The following GALNS variants were observed in gnomAD, a reference collection of about 807,000 sequenced individuals.
GALNS encodes the protein N-acetylgalactosamine-6-sulfatase.
A neutral mutation model predicts 65.9 loss-of-function variants in GALNS; 65 were observed. The observed-to-expected ratio is 0.99, with a 90% confidence interval of 0.81 to 1.21. The LOEUF is 1.21. Ranked by LOEUF, GALNS falls within the 50% of genes most tolerant of loss-of-function variation. The pLI is 0.00. For synonymous variants in GALNS, 346 were observed against 288.9 expected (o/e 1.20, Z -2.00); for missense variants, 776 against 700.7 (o/e 1.11, Z -1.21).
intron 12 of GALNS, among the ~76,000 whole-genome samples, chr16:88,821,055 C>T (rs992400287): frequency 6.6e-5 from 10 of 152,216 alleles, no homozygotes; most frequent in African/African-American, 1.4e-4. Flanking sequence ...ACGGGTCTCA[C>T]CCCCATGGGT....
chr16:88,838,082 G>A (rs542564870), intron 4 of GALNS, among the ~76,000 whole-genome samples: 1 of 152,320 alleles, frequency 6.6e-6, no homozygotes, highest in Non-Finnish European at 1.5e-5. Flanking sequence ...CGCCTGACAT[G>A]CCCCTCGTGG....
chr16:88,819,148 C>T (rs8046428), intron 12 of GALNS, among the ~76,000 whole-genome samples: 53,095 of 152,058 alleles, frequency 0.35, 9,616 homozygotes, highest in East Asian at 0.58. Flanking sequence ...AGGCTTCACA[C>T]GGAAGCTGCA....
At position 88,814,206 on chromosome 16, in the gene GALNS, G is replaced by A. The variant is rs939713346; in HGVS notation, c.*233C>T. On this transcript the variant is annotated 3_prime_UTR_variant, in exon 14 of 14. Transcript: ENST00000268695. ...GCAGGGTCCTGAGGTCTGAGGCGCC[G>A]TGGGCGAGGAGGAGGGTCCTGAAAT... 8 of 606,854 alleles carry A rather than the reference G, an allele frequency of 1.3e-5. No individual in the cohort carries two copies. Among genetic ancestry groups the A allele is most frequent in the Admixed American group, 2.8e-5 (1 of 35,974 alleles). The allele number at this position is 606,854 out of a possible 1,614,324, so 37.6% of individuals were successfully genotyped here.
In GALNS at chr16:88,848,754, CG is replaced by C. The variant is rs111604165; in HGVS notation, c.121-5926del. On this transcript the variant is annotated intron_variant, in intron 1 of 13. Coordinates refer to ENST00000268695, the MANE Select transcript of GALNS (RefSeq NM_000512.5). ...GTCTGAACAGAGGGGAAGCCCTCAC[CG>C]GGGGCGGGGGTGGCAGCGTGCTGAC... is the stretch of plus-strand genomic sequence containing the variant. 3.8e-3 allele frequency among the ~76,000 whole-genome samples: 572 copies of C among 152,120 alleles called. 3 individuals carry two copies. Among genetic ancestry groups the C allele is most frequent in the African/African-American group, 0.013 (536 of 41,474 alleles).
rs1432740503 is a variant in GALNS, at chr16:88,847,522, C to T, written c.121-4693G>A. Among the ~76,000 whole-genome samples, 8 of 152,192 alleles carry T rather than the reference C, an allele frequency of 5.3e-5. No individual in the cohort carries two copies. The East Asian group carries it at 1.2e-3, about 22-fold the overall frequency. The stretch of plus-strand genomic sequence containing the variant: ...CTTGAGGAGGGCTGTGCCTGGAGGC[C>T]GAGTGGGGCTCACCTGCCCATCGGG... On this transcript the variant is annotated intron_variant, in intron 1 of 13. Coordinates refer to ENST00000268695, the MANE Select transcript of GALNS (RefSeq NM_000512.5).
intron 7 of GALNS, 69 bp from the exon 8 acceptor site, chr16:88,835,421 G>A (rs775116452): frequency 5.7e-6 from 9 of 1,581,300 alleles, no homozygotes; most frequent in Non-Finnish European, 7.8e-6. Context: ...GCAGCCAACG[G>A]CATACTGTGA....
chr16:88,843,617 G>C (rs557397904), intron 1 of GALNS: 127 of 186,908 alleles, frequency 6.8e-4, no homozygotes, highest in African/African-American at 2.9e-3. Context: ...TGAAGGCCGA[G>C]GCCGAGACTG....
At chr16:88,841,193 C>A in intron 3 of GALNS, 99 bp from the exon 4 acceptor site, 1 of 904,692 alleles carries the variant, frequency 1.1e-6, no homozygotes, top group East Asian at 2.5e-5. Context: ...CACATCCTAA[C>A]AGGACACTGG....
intron 1 of GALNS, among the ~76,000 whole-genome samples, chr16:88,854,354 C>T (rs1326907545): frequency 6.6e-6 from 1 of 152,214 alleles, no homozygotes; most frequent in African/African-American, 2.4e-5. Context: ...TGAGGACCCC[C>T]TTGCACCCTG....
intron 4 of GALNS, among the ~76,000 whole-genome samples, chr16:88,840,170 T>C (rs1966899384): frequency 6.6e-6 from 1 of 152,198 alleles, no homozygotes; most frequent in Non-Finnish European, 1.5e-5. Context: ...AAGTGCTCCC[T>C]AGACAGCCTC....
chr16:88,839,718 G>A (rs554847854), intron 4 of GALNS, among the ~76,000 whole-genome samples: 131 of 152,346 alleles, frequency 8.6e-4, no homozygotes, highest in Non-Finnish European at 1.5e-3. Context: ...AGGAGCCTGG[G>A]GCTCTGAGGT....
intron 9 of GALNS, among the ~76,000 whole-genome samples, chr16:88,829,607 C>A (rs1322533988): frequency 6.6e-6 from 1 of 152,248 alleles, no homozygotes; most frequent in East Asian, 1.9e-4. Context: ...CCCAGTCCCA[C>A]TGGCTGCTGG....
intron 13 of GALNS, chr16:88,815,786 T>G: frequency 1.0e-6 from 1 of 985,044 alleles, no homozygotes. Context: ...AGAGCAGGAG[T>G]GGGTTTGGGT....
chr16:88,856,524 C>A, intron 1 of GALNS: 1 of 697,694 alleles, frequency 1.4e-6, no homozygotes, highest in East Asian at 2.7e-5. Flanking sequence ...CGCCGAGACC[C>A]CACGCCTGGA....
chr16:88,827,228 G>T, intron 9 of GALNS: 1 of 256,706 alleles, frequency 3.9e-6, no homozygotes, highest in Non-Finnish European at 7.7e-6. Context: ...AGGAGCAGGT[G>T]GAGAAAAACC....
chr16:88,817,011 CTG>C (rs1345997858), intron 13 of GALNS: 1 of 985,354 alleles, frequency 1.0e-6, no homozygotes, highest in Admixed American at 6.1e-5. Flanking sequence ...CACCGCAGAC[CTG>C]TGTGTGGCTC....
intron 8 of GALNS, 92 bp downstream of exon 8, chr16:88,835,121 C>T: frequency 6.7e-7 from 1 of 1,501,302 alleles, no homozygotes; most frequent in Non-Finnish European, 9.1e-7. Context: ...ATGCTCTGCC[C>T]ACCACAGACC....
intron 3 of GALNS, among the ~76,000 whole-genome samples, chr16:88,841,464 T>G (rs1335671047): frequency 6.7e-6 from 1 of 150,134 alleles, no homozygotes; most frequent in African/African-American, 2.5e-5. Context: ...CACCCCTGCC[T>G]CCCCCGTCCT....
chr16:88,853,891 A>T (rs1409404244), intron 1 of GALNS, among the ~76,000 whole-genome samples: 1 of 152,148 alleles, frequency 6.6e-6, no homozygotes, highest in East Asian at 1.9e-4. Flanking sequence ...CCTGAGTCCC[A>T]GCTTCCCCTT....
Sources: allele counts gnomAD v4.1 joint callset (sites outside exome capture counted in the v4.1 genomes callset), GRCh38; gene constraint gnomAD v4.1.1; transcripts MANE v1.5; gene names NCBI Gene and HGNC (gene_info 2026-07-23, HGNC 2026-07-21).